The following GRM3 variants were observed in gnomAD, a reference collection of about 807,000 sequenced individuals.
The protein encoded by GRM3 is glutamate metabotropic receptor 3.
In GRM3, 26 loss-of-function variants were observed where a neutral mutation model predicts 70.5. The observed-to-expected ratio is 0.37, with a 90% CI of 0.27 to 0.51. The LOEUF (loss-of-function observed/expected upper bound fraction) is 0.51, where lower values mean the gene tolerates loss of function less well. Among genes scored for constraint, GRM3 ranks in the 20% least tolerant of loss-of-function variants. The pLI is 0.93. For synonymous variants in GRM3, 443 were observed against 434.9 expected, an observed-to-expected ratio of 1.02 and a Z score of -0.23; for missense variants, 859 against 1,123.8, an observed-to-expected ratio of 0.76 and a Z score of 3.37.
chr7:86,727,623 G>T (rs1795622494), intron 1 of GRM3, among the ~76,000 whole-genome samples: 1 of 152,088 alleles, frequency 6.6e-6, no homozygotes, highest in Admixed American at 6.6e-5. Context: ...TTATAGCACT[G>T]ACCAAGCAGA....
intron 2 of GRM3, among the ~76,000 whole-genome samples, chr7:86,777,142 A>C (rs1796913126): frequency 6.6e-6 from 1 of 152,186 alleles, no homozygotes; most frequent in Non-Finnish European, 1.5e-5. Flanking sequence ...CATGTCTTTT[A>C]ATACCAGTCT....
chr7:86,840,484 T>A (rs1359843014), intron 4 of GRM3, among the ~76,000 whole-genome samples: 1 of 152,128 alleles, frequency 6.6e-6, no homozygotes, highest in Non-Finnish European at 1.5e-5. Flanking sequence ...TTTCTTTAAC[T>A]AGTTAAAAAT....
chr7:86,748,331 A>G (rs568912991), intron 1 of GRM3, among the ~76,000 whole-genome samples: 2 of 152,044 alleles, frequency 1.3e-5, no homozygotes, highest in African/African-American at 2.4e-5. Flanking sequence ...TAATGAAAGG[A>G]AAACGGCTGC....
At chr7:86,766,713 G>A (rs530841697) in intron 2 of GRM3, among the ~76,000 whole-genome samples, 3 of 152,016 alleles carry the variant, frequency 2.0e-5, no homozygotes, top group Non-Finnish European at 4.4e-5. Flanking sequence ...TTTCTGATTA[G>A]AGCATTAATG....
At chr7:86,828,869 C>T (rs1798296169) in intron 3 of GRM3, among the ~76,000 whole-genome samples, 1 of 152,226 alleles carries the variant, frequency 6.6e-6, no homozygotes, top group African/African-American at 2.4e-5. Flanking sequence ...AAATTGGAGT[C>T]AGTTCTCTCA....
intron 1 of GRM3, among the ~76,000 whole-genome samples, chr7:86,653,373 A>G (rs1245694054): frequency 6.6e-6 from 1 of 152,268 alleles, no homozygotes; most frequent in African/African-American, 2.4e-5. Flanking sequence ...TGATGGTCAT[A>G]CACAGAATAT....
chr7:86,662,234 A>C (rs1048300583), intron 1 of GRM3, among the ~76,000 whole-genome samples: 2 of 151,900 alleles, frequency 1.3e-5, no homozygotes, highest in Non-Finnish European at 2.9e-5. Flanking sequence ...ATTATCTTTC[A>C]GTATTTTCAT....
intron 3 of GRM3, among the ~76,000 whole-genome samples, chr7:86,823,348 T>A (rs991401411): frequency 6.6e-6 from 1 of 152,008 alleles, no homozygotes; most frequent in African/African-American, 2.4e-5. Flanking sequence ...TTTTTTTTCC[T>A]CTTCTCTGTT....
intron 5 of GRM3, among the ~76,000 whole-genome samples, chr7:86,863,810 A>G (rs1368042988): frequency 6.6e-6 from 1 of 152,178 alleles, no homozygotes; most frequent in African/African-American, 2.4e-5. Context: ...TAGATTACCA[A>G]AGCTAATTTT....
intron 3 of GRM3, among the ~76,000 whole-genome samples, chr7:86,805,171 G>T (rs972020618): frequency 1.1e-4 from 16 of 152,168 alleles, no homozygotes; most frequent in Admixed American, 1.0e-3. Flanking sequence ...CTCACACTGA[G>T]ATTTCCTAAA....
At chr7:86,809,010 C>A (rs1185772440) in intron 3 of GRM3, among the ~76,000 whole-genome samples, 1 of 151,982 alleles carries the variant, frequency 6.6e-6, no homozygotes, top group African/African-American at 2.4e-5. Context: ...AAATAGGGAA[C>A]ATTTTTAAAT....
chr7:86,681,401 T>A lies in GRM3; in HGVS notation c.-141+36529T>A, dbSNP rs528393631. Among the ~76,000 whole-genome samples, 22 of 152,308 alleles carry A rather than the reference T, an allele frequency of 1.4e-4. No homozygotes were observed. The South Asian group carries it at 3.7e-3, about 26-fold the overall frequency. On this transcript the variant is annotated intron_variant, in intron 1 of 5. Transcript: ENST00000361669. Reference sequence around the variant, plus strand: ...AAAAGATACTATATCTCATTCACGTTTTCTTTTTCCTCTTTTTCTATATCA... The same window carrying A: ...AAAAGATACTATATCTCATTCACGTATTCTTTTTCCTCTTTTTCTATATCA...
chr7:86,850,467 C>T lies in GRM3; in HGVS notation c.2489C>T (p.Pro830Leu). 2 of 1,611,708 alleles carry T rather than the reference C, an allele frequency of 1.2e-6. No homozygotes were observed. The highest frequency in any genetic ancestry group is 1.7e-6 in the Non-Finnish European group (2 of 1,178,046). Reference protein sequence around the residue: ...APKVHIILFQPQKNVVTHRLH... With the variant: ...APKVHIILFQLQKNVVTHRLH... ...AAGGTTCACATCATCCTGTTTCAAC[C>T]CCAGAAGAATGTTGTCACACACAGA... The change falls in exon 5 of 6, where the codon CCC (proline) becomes CTC (leucine). Residue 830 changes from proline (P) to leucine (L), a missense_variant. By Grantham distance (98) the Pro-to-Leu change is moderately conservative (BLOSUM62 -3). Coordinates refer to ENST00000361669, the MANE Select transcript of GRM3 (RefSeq NM_000840.3).
intron 1 of GRM3, among the ~76,000 whole-genome samples, chr7:86,697,190 C>G (rs1190118308): frequency 1.3e-5 from 2 of 151,480 alleles, no homozygotes; most frequent in Non-Finnish European, 2.9e-5. Context: ...AACCACATAC[C>G]CAAATTCGTT....
At chr7:86,805,856 A>T (rs1562870316) in intron 3 of GRM3, among the ~76,000 whole-genome samples, 1 of 152,010 alleles carries the variant, frequency 6.6e-6, no homozygotes, top group African/African-American at 2.4e-5. Context: ...TCATTAACTC[A>T]TCATTTACAT....
chr7:86,789,164 C>G (rs142448154), intron 3 of GRM3, among the ~76,000 whole-genome samples: 1 of 152,172 alleles, frequency 6.6e-6, no homozygotes, highest in Non-Finnish European at 1.5e-5. Context: ...CTCAATTTGA[C>G]AGACATTACC....
chr7:86,763,661 G>C (rs1474492720), intron 1 of GRM3, among the ~76,000 whole-genome samples: 2 of 152,112 alleles, frequency 1.3e-5, no homozygotes, highest in African/African-American at 4.8e-5. Context: ...ACAGTCAACT[G>C]TGTGCACCCC....
chr7:86,766,091 C>A (rs1428802252), intron 2 of GRM3, among the ~76,000 whole-genome samples: 1 of 152,086 alleles, frequency 6.6e-6, no homozygotes, highest in Non-Finnish European at 1.5e-5. Context: ...CTGCTGACAT[C>A]CCATTAGCAA....
At chr7:86,821,368 C>G (rs1798116898) in intron 3 of GRM3, among the ~76,000 whole-genome samples, 1 of 152,132 alleles carries the variant, frequency 6.6e-6, no homozygotes, top group Non-Finnish European at 1.5e-5. Flanking sequence ...GTGGTGGAAA[C>G]AGAGTCACTC....
Sources: gnomAD v4.1 joint callset for allele counts (sites outside exome capture counted in the v4.1 genomes callset) on GRCh38, gnomAD v4.1.1 for gene constraint, MANE v1.5 for transcripts, NCBI Gene and HGNC (gene_info 2026-07-23, HGNC 2026-07-21) for gene names.